Variants in FNIP1 observed in about 807,000 individuals in gnomAD.
The protein encoded by FNIP1 is folliculin-interacting protein 1.
A neutral mutation model predicts 124.5 loss-of-function variants in FNIP1; 40 were observed. The observed-to-expected ratio is 0.32, with a 90% CI of 0.25 to 0.42. The LOEUF is 0.42. Among genes scored for constraint, FNIP1 ranks in the 10% least tolerant of loss-of-function variants. The pLI, the probability that FNIP1 is intolerant of heterozygous loss-of-function variation, is 1.00. For missense variants in FNIP1, 1,176 were observed against 1,403.7 expected (o/e 0.84, Z 2.59); for synonymous variants, 472 against 470.6 (o/e 1.00, Z -0.04).
intron 10 of FNIP1, among the ~76,000 whole-genome samples, chr5:131,701,270 G>C (rs1391249690): frequency 6.6e-6 from 1 of 152,140 alleles, no homozygotes; most frequent in Non-Finnish European, 1.5e-5. Flanking sequence ...AAGGGTCCCT[G>C]GTTGCCAAAA....
At chr5:131,706,620 T>C (rs956990648) in intron 8 of FNIP1, 74 bp from the exon 9 acceptor site, 51 of 1,358,766 alleles carry the variant, frequency 3.8e-5, no homozygotes, top group Non-Finnish European at 4.6e-5. Context: ...TTTAACAAAA[T>C]TACAAATAGG....
rs115888153 is a variant in FNIP1 at position 131,713,703 on chromosome 5, A to G, written c.622+2862T>C. Reference sequence around the variant, plus strand: ...TTCCCTTAGTGAATAGCACCAATATACATGCAATTAAACAGCCAGCAAAGT... The same window carrying G: ...TTCCCTTAGTGAATAGCACCAATATGCATGCAATTAAACAGCCAGCAAAGT... On this transcript the variant is annotated intron_variant, in intron 6 of 17. Transcript: ENST00000510461. Among the ~76,000 whole-genome samples the G allele has an allele frequency of 3.8e-3, 575 of 152,312 alleles. 2 individuals carry two copies. Among genetic ancestry groups the G allele is most frequent in the Middle Eastern group, 6.8e-3 (2 of 294 alleles).
chr5:131,768,569 G>A (rs1771520957), intron 1 of FNIP1, among the ~76,000 whole-genome samples: 7 of 152,042 alleles, frequency 4.6e-5, no homozygotes, highest in Admixed American at 4.6e-4. Flanking sequence ...CAGCACTTTG[G>A]GAGGCTGATG....
At chr5:131,724,083 C>T (rs548597493) in intron 3 of FNIP1, among the ~76,000 whole-genome samples, 1 of 152,252 alleles carries the variant, frequency 6.6e-6, no homozygotes, top group East Asian at 1.9e-4. Flanking sequence ...TGTATATGTG[C>T]CACATTTTCT....
At chr5:131,747,857 T>C (rs1412192619) in intron 1 of FNIP1, among the ~76,000 whole-genome samples, 2 of 152,080 alleles carry the variant, frequency 1.3e-5, no homozygotes, top group East Asian at 3.9e-4. Context: ...TATATGCTGA[T>C]GACAGAATCT....
In FNIP1 at chr5:131,744,675, C is replaced by A; in HGVS notation, c.108G>T (p.Glu36Asp). The part of the protein sequence containing the change: ...PDCGFSWPLP[E>D]FDPSQIRLIV... ...TCAGTCGAATCTGGCTTGGATCAAA[C>A]TCTGGTAAAGGCCAACTTGAAAGAA... The change falls in exon 2 of 18, where the codon GAG becomes GAT. Residue 36 changes from glutamate (E) to aspartate (D), a missense_variant. Coordinates refer to ENST00000510461, the MANE Select transcript of FNIP1 (RefSeq NM_133372.3). The A allele has an allele frequency of 1.9e-6, 3 of 1,608,704 alleles. No individual in the cohort carries two copies. Among genetic ancestry groups the A allele is most frequent in the Non-Finnish European group, 2.5e-6 (3 of 1,177,294 alleles).
At chr5:131,722,870 G>A (rs149639913) in intron 3 of FNIP1, among the ~76,000 whole-genome samples, 9 of 152,116 alleles carry the variant, frequency 5.9e-5, no homozygotes, top group East Asian at 5.8e-4. Context: ...ATTTTTAGTA[G>A]AGACAGGGAT....
chr5:131,787,354 T>C (rs1032949697), intron 1 of FNIP1, among the ~76,000 whole-genome samples: 1 of 152,130 alleles, frequency 6.6e-6, no homozygotes, highest in Non-Finnish European at 1.5e-5. Flanking sequence ...ACTCAGCAAT[T>C]AAGTGTGAGA....
At chr5:131,704,676 G>A (rs1353055005) in intron 9 of FNIP1, among the ~76,000 whole-genome samples, 4 of 152,110 alleles carry the variant, frequency 2.6e-5, no homozygotes, top group African/African-American at 9.7e-5. Context: ...TAAAAAAGAG[G>A]AGAAAACAAG....
At chr5:131,651,520 C>T (rs1055916668) in intron 16 of FNIP1, among the ~76,000 whole-genome samples, 3 of 152,190 alleles carry the variant, frequency 2.0e-5, no homozygotes, top group African/African-American at 7.2e-5. Context: ...GCTGTTTTCT[C>T]ACTGTGTCCT....
intron 15 of FNIP1, among the ~76,000 whole-genome samples, chr5:131,656,456 T>C (rs1191285176): frequency 6.6e-6 from 1 of 152,216 alleles, no homozygotes; most frequent in African/African-American, 2.4e-5. Flanking sequence ...GCAGCTCTTA[T>C]GTGGGTACAG....
intron 2 of FNIP1, among the ~76,000 whole-genome samples, chr5:131,741,625 C>T (rs1250867892): frequency 6.6e-6 from 1 of 152,182 alleles, no homozygotes; most frequent in Non-Finnish European, 1.5e-5. Context: ...CAATATTCCA[C>T]TGTGAAATAT....
At chr5:131,662,129 C>T (rs1767459551) in intron 15 of FNIP1, among the ~76,000 whole-genome samples, 1 of 152,176 alleles carries the variant, frequency 6.6e-6, no homozygotes, top group African/African-American at 2.4e-5. Context: ...GATGAGTCAG[C>T]ACATTCTTCA....
At chr5:131,686,356 T>C (rs993374567) in intron 11 of FNIP1, among the ~76,000 whole-genome samples, 1 of 152,160 alleles carries the variant, frequency 6.6e-6, no homozygotes, top group Non-Finnish European at 1.5e-5. Context: ...TTTGTCCTTT[T>C]TTTAAAGAGA....
intron 1 of FNIP1, among the ~76,000 whole-genome samples, chr5:131,781,663 A>C (rs1475881829): frequency 1.3e-5 from 2 of 152,224 alleles, no homozygotes; most frequent in Non-Finnish European, 2.9e-5. Flanking sequence ...CGCTCAGAAA[A>C]AAACATTCCT....
At chr5:131,753,447 G>A (rs1051273157) in intron 1 of FNIP1, among the ~76,000 whole-genome samples, 1 of 152,110 alleles carries the variant, frequency 6.6e-6, no homozygotes, top group Non-Finnish European at 1.5e-5. Flanking sequence ...TGATCCCACG[G>A]TAACAAAGAT....
intron 6 of FNIP1, among the ~76,000 whole-genome samples, chr5:131,711,613 C>T (rs1047604115): frequency 2.0e-5 from 3 of 152,182 alleles, no homozygotes; most frequent in African/African-American, 7.2e-5. Flanking sequence ...CCCTCCTCAA[C>T]CCTCCCCATG....
At chr5:131,710,530 A>G in intron 7 of FNIP1, 48 bp downstream of exon 7, 1 of 1,555,380 alleles carries the variant, frequency 6.4e-7, no homozygotes, top group Non-Finnish European at 8.8e-7. Context: ...TACAGATTCT[A>G]GCCGTTGGGG....
chr5:131,670,473 T>C lies in FNIP1; in HGVS notation c.3098A>G (p.His1033Arg), dbSNP rs749340956. 24 of 1,608,058 alleles carry C rather than the reference T, an allele frequency of 1.5e-5. No homozygotes were observed. The highest frequency in any genetic ancestry group is 1.6e-4 in the Middle Eastern group (1 of 6,062). Residue 1033 changes from histidine to arginine, a missense_variant, in exon 15 of 18, where the codon CAT becomes CGT. By Grantham distance (29) the His-to-Arg change is conservative. Around this residue, in one of 2 missense-constraint regions of FNIP1, gnomAD observed 1,109 missense variants for 1,288.5 expected, o/e 0.86. Transcript: ENST00000510461. ...GTGAAGGTCACTCACCTGCACAGCA[T>C]GAGATAAATCTGACATCAGACACTG... is the stretch of plus-strand genomic sequence containing the variant. ...FRQCLMSDLSHAVQHPVLDEP... is the reference protein window; with the variant it reads ...FRQCLMSDLSRAVQHPVLDEP...
Sources: gnomAD v4.1 joint callset for allele counts (sites outside exome capture counted in the v4.1 genomes callset) on GRCh38, gnomAD v4.1.1 for gene constraint, gnomAD v4.1.1 regional missense constraint, MANE v1.5 for transcripts, NCBI Gene and HGNC (gene_info 2026-07-23, HGNC 2026-07-21) for gene names.